ROCK1: variants seen among roughly 807,000 people sequenced by gnomAD.
The protein encoded by ROCK1 is rho-associated protein kinase 1.
Under a neutral mutation model 196.8 loss-of-function variants are expected in ROCK1, and 36 were observed. The observed-to-expected ratio is 0.18, with a 90% CI of 0.14 to 0.24. The LOEUF (loss-of-function observed/expected upper bound fraction) is 0.24, where lower values mean the gene tolerates loss of function less well. ROCK1 is among the 10% of genes least tolerant of loss of function. The probability of loss-of-function intolerance (pLI) is 1.00; values close to 1 mark genes in which losing one functional copy is unlikely to be tolerated. For missense variants in ROCK1, 920 were observed against 1,562.0 expected, an observed-to-expected ratio of 0.59 and a Z score of 6.93; for synonymous variants, 443 against 515.9, an observed-to-expected ratio of 0.86 and a Z score of 1.91.
chr18:21,060,278 A>G (rs2036277653), intron 2 of ROCK1, among the ~76,000 whole-genome samples: 1 of 152,246 alleles, frequency 6.6e-6, no homozygotes, highest in Admixed American at 6.5e-5. Context: ...AAAAAGCACA[A>G]TCAATGCAGA....
intron 6 of ROCK1, among the ~76,000 whole-genome samples, chr18:21,043,382 G>T (rs1234965448): frequency 6.6e-6 from 1 of 151,828 alleles, no homozygotes; most frequent in Non-Finnish European, 1.5e-5. Context: ...ATATTCGCTG[G>T]TATTAATGAA....
chr18:21,083,873 G>A (rs963136155), intron 1 of ROCK1, among the ~76,000 whole-genome samples: 10 of 152,150 alleles, frequency 6.6e-5, no homozygotes, highest in African/African-American at 2.4e-4. Flanking sequence ...TATTTCAAAT[G>A]TATGGAGAGA....
intron 1 of ROCK1, among the ~76,000 whole-genome samples, chr18:21,089,587 T>C (rs2036553766): frequency 1.3e-5 from 2 of 152,220 alleles, no homozygotes. Context: ...AAACCACTTG[T>C]AAGTTGAAAA....
chr18:21,099,949 T>C (rs553569192), intron 1 of ROCK1, among the ~76,000 whole-genome samples: 6 of 151,748 alleles, frequency 4.0e-5, no homozygotes, highest in Non-Finnish European at 7.4e-5. Context: ...GTCAGAAGAA[T>C]TGCTTGAACC....
chr18:21,059,610 A>G (rs2036271810), intron 2 of ROCK1, among the ~76,000 whole-genome samples: 1 of 152,252 alleles, frequency 6.6e-6, no homozygotes, highest in Non-Finnish European at 1.5e-5. Flanking sequence ...ATAAAAGTAT[A>G]TATTTAAAAA....
intron 16 of ROCK1, 48 bp downstream of exon 16, chr18:21,006,303 A>G: frequency 6.9e-7 from 1 of 1,450,278 alleles, no homozygotes; most frequent in Non-Finnish European, 9.4e-7. Context: ...AAATGTTATA[A>G]TAAATTTCAT....
chr18:20,955,986 A>G (rs199909851), intron 29 of ROCK1, among the ~76,000 whole-genome samples: 5,299 of 112,008 alleles, frequency 0.047, no homozygotes, highest in East Asian at 0.14. Context: ...GCACAGGGAC[A>G]CTTGTGATGG....
At chr18:21,029,470 A>G (rs2035988118) in intron 9 of ROCK1, among the ~76,000 whole-genome samples, 1 of 152,138 alleles carries the variant, frequency 6.6e-6, no homozygotes, top group Admixed American at 6.5e-5. Context: ...TCCCACCCCA[A>G]TATCTCCATA....
At chr18:20,987,396 A>C (rs865917589) in intron 18 of ROCK1, among the ~76,000 whole-genome samples, 36 of 152,336 alleles carry the variant, frequency 2.4e-4, no homozygotes, top group African/African-American at 8.7e-4. Context: ...AAGAAGGTGA[A>C]GAGTATAGCT....
In ROCK1 at chr18:20,954,914, T is replaced by C. The variant is rs370881210; in HGVS notation, c.3722A>G (p.Asn1241Ser). ...FIPTLYHFPA[N>S]CDACAKPLWH... ...GAGAGGTTTGGCACAGGCATCACAATTGGCAGGAAAGTGGTAGAGTGTAGG... is the reference window on the plus strand; with the variant it reads ...GAGAGGTTTGGCACAGGCATCACAACTGGCAGGAAAGTGGTAGAGTGTAGG... The change falls in exon 31 of 33, where the codon AAT becomes AGT. Residue 1241 changes from asparagine to serine, a missense_variant. Coordinates refer to ENST00000399799, the MANE Select transcript of ROCK1 (RefSeq NM_005406.3). 2 of 1,613,868 alleles carry C rather than the reference T, an allele frequency of 1.2e-6. No individual in the cohort carries two copies. The highest frequency in any genetic ancestry group is 1.7e-5 in the Admixed American group (1 of 60,006).
chr18:21,066,386 T>C (rs893965043), intron 2 of ROCK1, among the ~76,000 whole-genome samples: 3 of 152,198 alleles, frequency 2.0e-5, no homozygotes, highest in African/African-American at 7.2e-5. Flanking sequence ...ATTTTTTTTC[T>C]TGAAGTAACA....
intron 22 of ROCK1, among the ~76,000 whole-genome samples, chr18:20,979,204 C>T (rs1390171199): frequency 2.0e-5 from 3 of 152,296 alleles, no homozygotes; most frequent in South Asian, 2.1e-4. Context: ...GCTGGTATTA[C>T]AGGCATGAGC....
At chr18:20,992,962 G>A in intron 16 of ROCK1, 25 bp from the exon 17 acceptor site, 1 of 1,413,746 alleles carries the variant, frequency 7.1e-7, no homozygotes, top group Non-Finnish European at 9.9e-7. Context: ...AAAAGTTCAA[G>A]TCTGTAGTCA....
chr18:21,070,704 T>C (rs975180710), intron 1 of ROCK1, 91 bp from the exon 2 acceptor site: 24 of 731,768 alleles, frequency 3.3e-5, no homozygotes, highest in Non-Finnish European at 5.2e-5. Flanking sequence ...CTTTAATATT[T>C]AATTTCCCCT....
intron 22 of ROCK1, 68 bp from the exon 23 acceptor site, chr18:20,970,581 C>A (rs1468999058): frequency 2.6e-5 from 26 of 1,014,290 alleles, no homozygotes; most frequent in Non-Finnish European, 2.5e-5. Context: ...TAATCATATT[C>A]TTAAAAACAC....
In ROCK1 at chr18:21,039,522, C is replaced by T. The variant is rs1308645753; in HGVS notation, c.1001G>A (p.Arg334Gln). 5.6e-6 allele frequency: 9 copies of T among 1,613,682 alleles called. No homozygotes were observed. Among genetic ancestry groups the T allele is most frequent in the Admixed American group, 3.3e-5 (2 of 60,010 alleles). Residue 334 changes from arginine to glutamine, a missense_variant, in exon 9 of 33, where the codon CGA becomes CAA. Arg to Gln is a conservative substitution (Grantham distance 43). Transcript: ENST00000399799. ...LGRNGVEEIKRHLFFKNDQWA... is the reference protein window; with the variant it reads ...LGRNGVEEIKQHLFFKNDQWA... ...CTGGTCATTTTTGAAGAAGAGATGT[C>T]GTTTGATTTCTTCTACACCATTTCG...
rs141935132 is a variant in ROCK1 at position 20,953,676 on chromosome 18, T to C, written c.3963A>G (p.Pro1321=). 101 of 1,609,992 alleles carry C rather than the reference T, an allele frequency of 6.3e-5. No individual in the cohort carries two copies. In the African/African-American group the frequency reaches 1.3e-3, roughly 20 times the overall value. The change falls in exon 32 of 33, where the codon CCA becomes CCG. Residue 1321 remains proline (P), a synonymous_variant. Coordinates refer to ENST00000399799, the MANE Select transcript of ROCK1 (RefSeq NM_005406.3). ...HLVKKIPKNP[P]SGFVRASPRT... ...GAGGGGAAGCACGAACAAAACCAGA[T>C]GGTGGATTCTTAGGGATTTTCTTTA... is the stretch of plus-strand genomic sequence containing the variant.
chr18:20,975,772 G>A (rs1397993698), intron 22 of ROCK1, among the ~76,000 whole-genome samples: 8 of 151,952 alleles, frequency 5.3e-5, no homozygotes, highest in Non-Finnish European at 8.8e-5. Context: ...CACCACGCCC[G>A]GCTAATTTTT....
intron 2 of ROCK1, among the ~76,000 whole-genome samples, chr18:21,059,003 A>G (rs902492087): frequency 6.6e-6 from 1 of 152,180 alleles, no homozygotes; most frequent in Admixed American, 6.5e-5. Context: ...ATACACACAG[A>G]GTAATCCAGT....
Sources: gnomAD v4.1 joint callset for allele counts (sites outside exome capture counted in the v4.1 genomes callset) on GRCh38, gnomAD v4.1.1 for gene constraint, MANE v1.5 for transcripts, NCBI Gene and HGNC (gene_info 2026-07-23, HGNC 2026-07-21) for gene names.